Variants in LIFR observed in about 807,000 individuals in gnomAD.
LIFR encodes the protein leukemia inhibitory factor receptor.
LIFR carries 84 observed loss-of-function variants against 122.2 expected under a neutral mutation model. That is an observed-to-expected ratio of 0.69 (90% CI 0.58 to 0.82). The LOEUF (loss-of-function observed/expected upper bound fraction) is 0.82, where lower values mean the gene tolerates loss of function less well. Among genes scored for constraint, LIFR ranks in the 40% least tolerant of loss-of-function variants. The pLI, the probability that LIFR is intolerant of heterozygous loss-of-function variation, is 0.00. For missense variants in LIFR, 1,294 were observed against 1,311.6 expected, an observed-to-expected ratio of 0.99 and a Z score of 0.21; for synonymous variants, 422 against 434.7, an observed-to-expected ratio of 0.97 and a Z score of 0.36.
At chr5:38,483,280 C>G (rs1176099784) in intron 18 of LIFR, among the ~76,000 whole-genome samples, 1 of 152,164 alleles carries the variant, frequency 6.6e-6, no homozygotes, top group Non-Finnish European at 1.5e-5. Context: ...ATATTTATAG[C>G]TACTAAAAAG....
chr5:38,486,239 T>C (rs1341520005), intron 16 of LIFR, among the ~76,000 whole-genome samples: 2 of 152,210 alleles, frequency 1.3e-5, no homozygotes, highest in African/African-American at 4.8e-5. Flanking sequence ...TTAAGCTGTT[T>C]GAAGTTTTCA....
At chr5:38,604,250 T>A (rs1207350636) in intron 2 of LIFR, among the ~76,000 whole-genome samples, 1 of 152,022 alleles carries the variant, frequency 6.6e-6, no homozygotes, top group Non-Finnish European at 1.5e-5. Context: ...AATTAACTAG[T>A]CCTACTGAAC....
upstream of LIFR, among the ~76,000 whole-genome samples, chr5:38,560,601 T>C (rs1427712022): frequency 1.3e-5 from 2 of 151,006 alleles, no homozygotes; most frequent in East Asian, 1.9e-4. Flanking sequence ...TTTTGTTTTT[T>C]GTTTTTTTTT....
At chr5:38,590,007 C>G (rs533347871) in intron 1 of LIFR, among the ~76,000 whole-genome samples, 5 of 152,228 alleles carry the variant, frequency 3.3e-5, no homozygotes, top group South Asian at 4.2e-4. Context: ...TTTGATTATT[C>G]CTACCAAACC....
chr5:38,572,840 G>C (rs1254412015), intron 1 of LIFR, among the ~76,000 whole-genome samples: 2 of 152,118 alleles, frequency 1.3e-5, no homozygotes, highest in African/African-American at 4.8e-5. Flanking sequence ...AGTCATCTAA[G>C]TCACCATCAT....
At position 38,554,110 on chromosome 5, in the gene LIFR, C is replaced by T. The variant is rs923332163; in HGVS notation, c.-20+2224G>A. 7.9e-5 allele frequency among the ~76,000 whole-genome samples: 12 copies of T among 152,320 alleles called. No individual in the cohort carries two copies. In the South Asian group the frequency reaches 1.7e-3, roughly 21 times the overall value. On this transcript the variant is annotated intron_variant, in intron 1 of 19. Coordinates refer to ENST00000453190, the MANE Select transcript of LIFR (RefSeq NM_001127671.2). Reference sequence around the variant, plus strand: ...ATCAAAGGTACAAGCTGCCTCTCTACGTTCAAAAATATTTAAACACTTAAG... The same window carrying T: ...ATCAAAGGTACAAGCTGCCTCTCTATGTTCAAAAATATTTAAACACTTAAG...
intron 1 of LIFR, among the ~76,000 whole-genome samples, chr5:38,591,446 C>G (rs931011509): frequency 2.0e-5 from 3 of 152,186 alleles, no homozygotes; most frequent in Non-Finnish European, 4.4e-5. Context: ...GGCATGCAGG[C>G]AAGAGGTATT....
At chr5:38,499,282 T>C (rs1745050833) in intron 12 of LIFR, among the ~76,000 whole-genome samples, 1 of 152,182 alleles carries the variant, frequency 6.6e-6, no homozygotes, top group Non-Finnish European at 1.5e-5. Flanking sequence ...ACAGGCCTTA[T>C]AAGATCAAAC....
intron 1 of LIFR, among the ~76,000 whole-genome samples, chr5:38,547,824 T>C (rs1000862533): frequency 2.0e-5 from 3 of 152,204 alleles, no homozygotes; most frequent in Admixed American, 2.0e-4. Flanking sequence ...ACCTAGGCTA[T>C]ATGGTATAAT....
chr5:38,482,740 G>T, intron 18 of LIFR, 73 bp from the exon 19 acceptor site: 1 of 644,768 alleles, frequency 1.6e-6, no homozygotes, highest in Admixed American at 3.1e-5. Flanking sequence ...TAAATCATTA[G>T]GCTTATTTTG....
At position 38,480,321 on chromosome 5, in the gene LIFR, G is replaced by C. The variant is rs191968058; in HGVS notation, c.*1274C>G. ...CCAGACATCGCTTATGAGAAACAAG[G>C]GTGGGCAGAGGATGCTGTGCTGAAG... On this transcript the variant is annotated 3_prime_UTR_variant, in exon 20 of 20. Coordinates refer to ENST00000453190, the MANE Select transcript of LIFR (RefSeq NM_001127671.2). The C allele has an allele frequency of 9.1e-4, 207 of 227,540 alleles. No individual in the cohort carries two copies. Among genetic ancestry groups the C allele is most frequent in the African/African-American group, 4.0e-3 (182 of 45,094 alleles). The allele number at this position is 227,540 out of a possible 1,614,324, so 14.1% of individuals were successfully genotyped here.
Position 38,527,292 on chromosome 5 carries a change from G to A in LIFR, c.260C>T (p.Ser87Phe), listed in dbSNP as rs267600620. ...TDYEVCIENR[S>F]RSCYQLEKTS... ...TTTCTCCAACTGATAACAAGAACGGGACCTGTAATAAGAAATTGAATTTTA... is the reference window on the plus strand; with the variant it reads ...TTTCTCCAACTGATAACAAGAACGGAACCTGTAATAAGAAATTGAATTTTA... The change falls in exon 4 of 20, where the codon TCC (serine) becomes TTC (phenylalanine). Residue 87 changes from serine (S) to phenylalanine (F), a missense_variant and splice_region_variant. Physicochemically the swap from Ser to Phe is radical, Grantham distance 155. Transcript: ENST00000453190. The A allele has an allele frequency of 3.8e-6, 6 of 1,568,344 alleles. No individual in the cohort carries two copies. The highest frequency in any genetic ancestry group is 5.3e-6 in the Non-Finnish European group (6 of 1,140,418).
In LIFR at chr5:38,581,234, T is replaced by G. The variant is rs549933377; in HGVS notation, c.-20+14027A>C. ...TCATCTTTCTAAGAAAAAAAAAAAC[T>G]TATCAGGTCACTCCTTAGCTTCTGC... is the stretch of plus-strand genomic sequence containing the variant. On this transcript the variant is annotated intron_variant, in intron 1 of 19. Coordinates refer to the LIFR transcript ENST00000263409. 5.3e-5 allele frequency among the ~76,000 whole-genome samples: 8 copies of G among 152,176 alleles called. No homozygotes were observed. In the East Asian group the frequency reaches 1.5e-3, roughly 29 times the overall value.
At chr5:38,566,866 A>G (rs1749042918) in intron 1 of LIFR, among the ~76,000 whole-genome samples, 1 of 152,230 alleles carries the variant, frequency 6.6e-6, no homozygotes, top group Admixed American at 6.5e-5. Flanking sequence ...CAATTCTAAA[A>G]AAAAAGAAGA....
chr5:38,497,959 G>T (rs188343390), intron 12 of LIFR, among the ~76,000 whole-genome samples: 1 of 151,804 alleles, frequency 6.6e-6, no homozygotes, highest in South Asian at 2.1e-4. Context: ...CTTTTTCATA[G>T]AAATTTTTAA....
chr5:38,564,339 C>T (rs998495), intron 1 of LIFR, among the ~76,000 whole-genome samples: 1,970 of 152,060 alleles, frequency 0.013, 42 homozygotes, highest in African/African-American at 0.041. Context: ...CCTCCCACCT[C>T]AGCCTCCCAA....
rs370838749 is a variant in LIFR, at chr5:38,565,956, A to C, written c.-20+29305T>G. ...ACTTAATACATATGCATGCTAAGGA[A>C]ACAACAGTGAGTGAGACAAAGCCCT... is the stretch of plus-strand genomic sequence containing the variant. On this transcript the variant is annotated intron_variant, in intron 1 of 19. Coordinates refer to the LIFR transcript ENST00000263409. 3.3e-4 allele frequency among the ~76,000 whole-genome samples: 50 copies of C among 152,360 alleles called. 2 individuals are homozygous for C. In the Middle Eastern group the frequency reaches 0.01, roughly 31 times the overall value.
chr5:38,485,839 T>A lies in LIFR; in HGVS notation c.2477A>T (p.Tyr826Phe). ...DGGVGPEKSM[Y>F]VVTKENSVGL... The stretch of plus-strand genomic sequence containing the variant: ...CTTACAATTTTCCTTTGTCACCACA[T>A]ACATACTCTTCTCCGGGCCCACTCC... The change falls in exon 17 of 20, where the codon TAT (tyrosine) becomes TTT (phenylalanine). Residue 826 changes from tyrosine (Y) to phenylalanine (F), a missense_variant. Transcript: ENST00000453190. The A allele has an allele frequency of 2.5e-6, 4 of 1,614,084 alleles. No homozygotes were observed. The highest frequency in any genetic ancestry group is 1.1e-5 in the South Asian group (1 of 91,074).
At chr5:38,546,901 T>G (rs1747923303) in intron 1 of LIFR, among the ~76,000 whole-genome samples, 1 of 152,184 alleles carries the variant, frequency 6.6e-6, no homozygotes, top group Non-Finnish European at 1.5e-5. Context: ...CATCTGTAAT[T>G]TTATTGAAGC....
Sources: gnomAD v4.1 joint callset for allele counts (sites outside exome capture counted in the v4.1 genomes callset) on GRCh38, gnomAD v4.1.1 for gene constraint, MANE v1.5 for transcripts, NCBI Gene and HGNC (gene_info 2026-07-23, HGNC 2026-07-21) for gene names.